Variants in NRCAM observed in about 807,000 individuals in gnomAD.
NRCAM encodes the protein neuronal cell adhesion molecule.
A neutral mutation model predicts 156.5 loss-of-function variants in NRCAM; 83 were observed. The observed-to-expected ratio is 0.53, with a 90% CI of 0.44 to 0.64. The LOEUF is 0.64. NRCAM is among the 30% of genes least tolerant of loss of function. The probability of loss-of-function intolerance (pLI) is 0.00; values close to 1 mark genes in which losing one functional copy is unlikely to be tolerated. For missense variants in NRCAM, 1,417 were observed against 1,597.3 expected (o/e 0.89, Z 1.92); for synonymous variants, 538 against 563.9 (o/e 0.95, Z 0.65).
At chr7:108,318,013 A>C (rs2098950482) in intron 2 of NRCAM, among the ~76,000 whole-genome samples, 2 of 145,584 alleles carry the variant, frequency 1.4e-5, no homozygotes, top group Admixed American at 6.8e-5. Flanking sequence ...CTGCAGATTT[A>C]GGAGGGACCT....
At chr7:108,351,325 A>G (rs1177937815) in intron 2 of NRCAM, among the ~76,000 whole-genome samples, 1 of 152,194 alleles carries the variant, frequency 6.6e-6, no homozygotes, top group Admixed American at 6.5e-5. Flanking sequence ...TAAATTACCC[A>G]GTCTCAGGTA....
intron 4 of NRCAM, among the ~76,000 whole-genome samples, chr7:108,238,205 A>C (rs1337783578): frequency 2.0e-5 from 3 of 152,190 alleles, no homozygotes; most frequent in Non-Finnish European, 2.9e-5. Context: ...ATACCTAACA[A>C]TGGGACATTG....
At chr7:108,175,631 T>G (rs1301200197) in intron 27 of NRCAM, among the ~76,000 whole-genome samples, 1 of 152,206 alleles carries the variant, frequency 6.6e-6, no homozygotes, top group African/African-American at 2.4e-5. Context: ...GTTGATTATG[T>G]ATGAAGGCTT....
chr7:108,261,977 CT>C lies in NRCAM; in HGVS notation c.-106-21808del, dbSNP rs542276845. On this transcript the variant is annotated intron_variant, in intron 3 of 32. Coordinates refer to ENST00000379028, the MANE Select transcript of NRCAM (RefSeq NM_001037132.4). ...CTTCATAAACCCTTTCACCAGTCCA[CT>C]GGGATCAACCAGCCAATGCAATGAC... Among the ~76,000 whole-genome samples the C allele has an allele frequency of 1.9e-3, 289 of 152,306 alleles. 4 individuals are homozygous for C. The highest frequency in any genetic ancestry group is 0.015 in the Admixed American group (223 of 15,310).
At chr7:108,283,414 A>C (rs552479971) in intron 3 of NRCAM, among the ~76,000 whole-genome samples, 62 of 152,300 alleles carry the variant, frequency 4.1e-4, no homozygotes, top group Non-Finnish European at 7.3e-4. Flanking sequence ...GGAAAGGGAG[A>C]GATGAATGCC....
At chr7:108,299,295 C>T (rs4142283) in intron 3 of NRCAM, among the ~76,000 whole-genome samples, 27,738 of 151,364 alleles carry the variant, frequency 0.18, 3,485 homozygotes, top group East Asian at 0.49. Context: ...GTGAATAAAA[C>T]GTGGCTCAAG....
At chr7:108,273,173 G>C (rs1487216007) in intron 3 of NRCAM, among the ~76,000 whole-genome samples, 1 of 152,158 alleles carries the variant, frequency 6.6e-6, no homozygotes, top group Non-Finnish European at 1.5e-5. Flanking sequence ...TTGGTTCCAA[G>C]TCTTTGCTAT....
intron 2 of NRCAM, among the ~76,000 whole-genome samples, chr7:108,376,628 T>C (rs1383688865): frequency 6.6e-6 from 1 of 152,150 alleles, no homozygotes; most frequent in Non-Finnish European, 1.5e-5. Context: ...GCCTGCCTAA[T>C]TCTCTTTTCC....
At chr7:108,183,621 C>A (rs569545576) in intron 22 of NRCAM, among the ~76,000 whole-genome samples, 1 of 151,498 alleles carries the variant, frequency 6.6e-6, no homozygotes, top group Non-Finnish European at 1.5e-5. Flanking sequence ...ACTGCAACCT[C>A]CGCCTCCTGG....
intron 11 of NRCAM, among the ~76,000 whole-genome samples, chr7:108,218,173 T>TGG (rs34435583): frequency 3.7e-4 from 44 of 118,672 alleles, no homozygotes; most frequent in Admixed American, 1.3e-3. Flanking sequence ...TTCCCTTGGC[T>TGG]GGGGGGGGGG....
At chr7:108,228,047 C>G (rs993326783) in intron 8 of NRCAM, among the ~76,000 whole-genome samples, 1 of 152,144 alleles carries the variant, frequency 6.6e-6, no homozygotes, top group Non-Finnish European at 1.5e-5. Context: ...CCAAGCCGGG[C>G]TTGGTGGCTC....
intron 2 of NRCAM, among the ~76,000 whole-genome samples, chr7:108,338,772 T>C (rs183637618): frequency 2.6e-5 from 4 of 152,348 alleles, no homozygotes; most frequent in African/African-American, 9.6e-5. Flanking sequence ...TACTTGATAA[T>C]TGAAGGTCTT....
intron 2 of NRCAM, among the ~76,000 whole-genome samples, chr7:108,315,217 C>T (rs540041991): frequency 2.6e-5 from 4 of 152,170 alleles, no homozygotes; most frequent in Non-Finnish European, 5.9e-5. Context: ...AATCTTTGGT[C>T]TTAACAGAAA....
chr7:108,165,992 T>C (rs529951631), intron 30 of NRCAM, among the ~76,000 whole-genome samples: 40 of 152,364 alleles, frequency 2.6e-4, no homozygotes, highest in Non-Finnish European at 5.0e-4. Context: ...CAAATACGAA[T>C]GCTCTCATGT....
At chr7:108,251,932 G>A (rs142924817) in intron 3 of NRCAM, among the ~76,000 whole-genome samples, 1 of 152,238 alleles carries the variant, frequency 6.6e-6, no homozygotes, top group African/African-American at 2.4e-5. Flanking sequence ...GACAGTGCAA[G>A]ACTGTTTAAA....
At chr7:108,334,933 CTTTATA>C (rs2099163878) in intron 2 of NRCAM, among the ~76,000 whole-genome samples, 1 of 152,128 alleles carries the variant, frequency 6.6e-6, no homozygotes, top group African/African-American at 2.4e-5. Flanking sequence ...CCATTTTGCT[CTTTATA>C]TTATATTAAG....
chr7:108,335,434 CTTTTTTT>C lies in NRCAM; in HGVS notation c.-173-22710_-173-22704del, dbSNP rs58975301. On this transcript the variant is annotated intron_variant, in intron 2 of 32. Transcript: ENST00000379028. ...ATGTCCTGTGGATCTGTTCCACCTG[CTTTTTTT>C]TTTTTTTTTTTTTTTTTTCAGTTTT... 2.2e-3 allele frequency among the ~76,000 whole-genome samples: 153 copies of C among 69,884 alleles called. 3 individuals are homozygous for C. The highest frequency in any genetic ancestry group is 0.014 in the Middle Eastern group (1 of 74). 45.8% of individuals were successfully genotyped at this position (69,884 alleles called of 152,430 possible). A position where few individuals can be genotyped will look rare whatever the true frequency, so the allele number is the denominator to read the frequency against.
chr7:108,293,929 T>G (rs995293347), intron 3 of NRCAM, among the ~76,000 whole-genome samples: 39 of 152,308 alleles, frequency 2.6e-4, no homozygotes, highest in African/African-American at 9.1e-4. Context: ...CTATTGTCTT[T>G]TAGCCCACAC....
chr7:108,161,628 G>C (rs887372866), intron 30 of NRCAM, among the ~76,000 whole-genome samples: 1 of 152,130 alleles, frequency 6.6e-6, no homozygotes, highest in African/African-American at 2.4e-5. Context: ...GTTGAGTTAG[G>C]TGTGTGTGAT....
Sources: allele counts gnomAD v4.1 joint callset (sites outside exome capture counted in the v4.1 genomes callset), GRCh38; gene constraint gnomAD v4.1.1; transcripts MANE v1.5; gene names NCBI Gene and HGNC (gene_info 2026-07-23, HGNC 2026-07-21).